Variants in TMCO4 observed in about 807,000 individuals in gnomAD.
TMCO4 encodes transmembrane and coiled-coil domain-containing protein 4.
A neutral mutation model predicts 64.7 loss-of-function variants in TMCO4; 58 were observed. The observed-to-expected ratio is 0.90, with a 90% CI of 0.73 to 1.12. TMCO4 has a LOEUF of 1.12. Among genes scored for constraint, TMCO4 ranks in the 50% most tolerant of loss-of-function variants. TMCO4 has a pLI of 0.00. For synonymous variants in TMCO4, 325 were observed against 346.1 expected (o/e 0.94, Z 0.68); for missense variants, 780 against 825.9 (o/e 0.94, Z 0.68).
At chr1:19,778,195 A>G (rs2043297372) in intron 4 of TMCO4, among the ~76,000 whole-genome samples, 1 of 152,166 alleles carries the variant, frequency 6.6e-6, no homozygotes, top group Admixed American at 6.5e-5. Context: ...AGTGCCTACT[A>G]TGTGCTAGGC....
At chr1:19,731,678 G>C (rs553214778) in intron 13 of TMCO4, among the ~76,000 whole-genome samples, 1 of 152,314 alleles carries the variant, frequency 6.6e-6, no homozygotes, top group East Asian at 1.9e-4. Context: ...GTATTTTTGT[G>C]ATCACAAGTA....
chr1:19,727,230 G>C (rs2095412621), intron 13 of TMCO4, among the ~76,000 whole-genome samples: 1 of 152,178 alleles, frequency 6.6e-6, no homozygotes, highest in South Asian at 2.1e-4. Flanking sequence ...TGGTAGAGAT[G>C]GTCTCCATGT....
At position 19,734,429 on chromosome 1, in the gene TMCO4, C is replaced by A. The variant is rs1465995747; in HGVS notation, c.1264+2943G>T. On this transcript the variant is annotated intron_variant, in intron 13 of 15. Coordinates refer to ENST00000294543, the MANE Select transcript of TMCO4 (RefSeq NM_181719.7). This position sits in a 1 kb window ranked among gnomAD's most constrained non-coding sequence, Gnocchi z 4.4. ...GCGCATGTGTGTGAACTGTAGGGTG[C>A]CCAGCACCAGTGCCCCCGGGTCCTC... is the stretch of plus-strand genomic sequence containing the variant. Among the ~76,000 whole-genome samples the A allele has an allele frequency of 2.0e-5, 3 of 152,070 alleles. No individual in the cohort carries two copies. Among genetic ancestry groups the A allele is most frequent in the Admixed American group, 6.6e-5 (1 of 15,266 alleles).
chr1:19,741,563 A>C (rs2095479154), intron 10 of TMCO4, among the ~76,000 whole-genome samples: 1 of 152,140 alleles, frequency 6.6e-6, no homozygotes, highest in African/African-American at 2.4e-5. Context: ...AGGATGAGAC[A>C]GCACCACTGT....
At chr1:19,783,990 C>T (rs1406861554) in intron 3 of TMCO4, among the ~76,000 whole-genome samples, 1 of 152,182 alleles carries the variant, frequency 6.6e-6, no homozygotes, top group Admixed American at 6.5e-5. Context: ...AGGGCAGTGC[C>T]AAGGGCAGCA....
chr1:19,792,887 C>T (rs1267533056), intron 2 of TMCO4, among the ~76,000 whole-genome samples: 1 of 150,302 alleles, frequency 6.7e-6, no homozygotes, highest in Non-Finnish European at 1.5e-5. Context: ...TCTCCTGTCT[C>T]AGCCACCCAA....
rs2095267156 is a variant in TMCO4, at chr1:19,700,840, A to G, written c.1310T>C (p.Val437Ala). 1.2e-6 allele frequency: 2 copies of G among 1,614,170 alleles called. No homozygotes were observed. Among genetic ancestry groups the G allele is most frequent in the Non-Finnish European group, 1.7e-6 (2 of 1,180,018 alleles). ...CTCCCAATGCTTGGCTTCTCCCTCC[A>G]CAGGCGCACCCAGCAGGATGACGTC... ...IEDVILLGAP[V>A]EGEAKHWEPF... Residue 437 changes from valine to alanine, a missense_variant, in exon 14 of 16, where the codon GTG becomes GCG. Coordinates refer to ENST00000294543, the MANE Select transcript of TMCO4 (RefSeq NM_181719.7).
chr1:19,780,428 C>T (rs747445162), intron 4 of TMCO4, 152 bp downstream of exon 4: 50 of 906,112 alleles, frequency 5.5e-5, no homozygotes, highest in Non-Finnish European at 7.6e-5. Flanking sequence ...TACTGGTCCA[C>T]GGCCTGGAGG....
At chr1:19,767,220 C>T (rs2042775622) in intron 6 of TMCO4, among the ~76,000 whole-genome samples, 2 of 152,256 alleles carry the variant, frequency 1.3e-5, no homozygotes, top group South Asian at 2.1e-4. Context: ...TTCTATGGGC[C>T]TCGGTTTGTT....
chr1:19,748,531 G>A (rs1409623046), intron 7 of TMCO4, among the ~76,000 whole-genome samples: 1 of 152,074 alleles, frequency 6.6e-6, no homozygotes, highest in Non-Finnish European at 1.5e-5. Flanking sequence ...TCATCTAAAA[G>A]AAATGGGATT....
chr1:19,717,649 C>G (rs1405551625), intron 13 of TMCO4, among the ~76,000 whole-genome samples: 2 of 152,178 alleles, frequency 1.3e-5, no homozygotes, highest in East Asian at 3.8e-4. Flanking sequence ...TGGGTATTGC[C>G]AGTCCTGCGC....
chr1:19,740,508 A>G lies in TMCO4; in HGVS notation c.1042+269T>C, dbSNP rs77238275. On this transcript the variant is annotated intron_variant, in intron 11 of 15. Transcript: ENST00000294543. ...TCCACCAACTCCAGCCTCCTGAGCT[A>G]TTACAGTAAACATCCCATGGAGTTT... Among the ~76,000 whole-genome samples, 494 of 152,304 alleles carry G rather than the reference A, an allele frequency of 3.2e-3. 1 individual carries two copies. Among genetic ancestry groups the G allele is most frequent in the African/African-American group, 0.011 (440 of 41,560 alleles).
chr1:19,796,480 A>G (rs1162568410), intron 2 of TMCO4, among the ~76,000 whole-genome samples: 1 of 152,138 alleles, frequency 6.6e-6, no homozygotes, highest in Non-Finnish European at 1.5e-5. Flanking sequence ...CCAGGGCACC[A>G]GGGATTCGCA....
At chr1:19,710,210 C>T (rs2095324087) in intron 13 of TMCO4, among the ~76,000 whole-genome samples, 1 of 151,594 alleles carries the variant, frequency 6.6e-6, no homozygotes. Context: ...AGGCTCAAGC[C>T]ACCCTCCTGC....
intron 13 of TMCO4, among the ~76,000 whole-genome samples, chr1:19,708,969 G>GA (rs1208208690): frequency 6.6e-6 from 1 of 152,128 alleles, no homozygotes; most frequent in Non-Finnish European, 1.5e-5. Context: ...GACCTTGAAG[G>GA]AAACACTATG....
At chr1:19,751,215 G>A (rs761570170) in intron 7 of TMCO4, among the ~76,000 whole-genome samples, 2 of 152,200 alleles carry the variant, frequency 1.3e-5, no homozygotes, top group Non-Finnish European at 2.9e-5. Context: ...AGAATTGGAG[G>A]TGACCACCTT....
Position 19,780,594 on chromosome 1 carries a change from A to C in TMCO4, c.165T>G (p.Pro55=). The C allele has an allele frequency of 6.2e-7, 1 of 1,603,222 alleles. No homozygotes were observed. The highest frequency in any genetic ancestry group is 1.7e-4 in the Middle Eastern group (1 of 5,998). The change falls in exon 4 of 16, where the codon CCT becomes CCG. Residue 55 remains proline (P), a synonymous_variant. Transcript: ENST00000294543. ...GAAGAACTCACCTGTGTTCGGGTTC[A>C]GGAAATAACTGGGACAGGGAGATGC... The part of the protein sequence containing the change: ...LCGISLSQLF[P]EPEHSSFCTE...
At chr1:19,754,119 T>C (rs2042141404) in intron 7 of TMCO4, among the ~76,000 whole-genome samples, 1 of 152,206 alleles carries the variant, frequency 6.6e-6, no homozygotes, top group Admixed American at 6.5e-5. Context: ...CAGATTCACA[T>C]GGCTGGTAAG....
chr1:19,711,413 T>C (rs929975516), intron 13 of TMCO4, among the ~76,000 whole-genome samples: 15 of 152,260 alleles, frequency 9.9e-5, no homozygotes, highest in African/African-American at 3.6e-4. Flanking sequence ...AGCTTAATCA[T>C]TTCTAGCTTT....
Sources: gnomAD v4.1 joint callset for allele counts (sites outside exome capture counted in the v4.1 genomes callset) on GRCh38, gnomAD v4.1.1 for gene constraint, Gnocchi (gnomAD v3.1) non-coding constraint, MANE v1.5 for transcripts, NCBI Gene and HGNC (gene_info 2026-07-23, HGNC 2026-07-21) for gene names.